Variants in UBR2 observed in about 807,000 individuals in gnomAD.
UBR2 encodes E3 ubiquitin-protein ligase UBR2.
A neutral mutation model predicts 247.9 loss-of-function variants in UBR2; 92 were observed. That is an observed-to-expected ratio of 0.37 (90% CI 0.31 to 0.44). The LOEUF is 0.44. Among genes scored for constraint, UBR2 ranks in the 20% least tolerant of loss-of-function variants. The pLI is 1.00. For synonymous variants in UBR2, 672 were observed against 693.5 expected (o/e 0.97, Z 0.49); for missense variants, 1,613 against 2,112.6 (o/e 0.76, Z 4.64).
chr6:42,583,833 A>C (rs1185258469), intron 2 of UBR2, among the ~76,000 whole-genome samples: 1 of 151,294 alleles, frequency 6.6e-6, no homozygotes, highest in Non-Finnish European at 1.5e-5. Context: ...CTCTCTCTCT[A>C]ATTTTTTCAT....
At chr6:42,610,663 G>A (rs149653336) in intron 7 of UBR2, among the ~76,000 whole-genome samples, 8 of 152,204 alleles carry the variant, frequency 5.3e-5, no homozygotes, top group South Asian at 2.1e-4. Flanking sequence ...AGAGACAGAT[G>A]GTGGTTGCTA....
In UBR2 at chr6:42,677,175, T is replaced by G. The variant is rs184725094; in HGVS notation, c.4478+302T>G. Among the ~76,000 whole-genome samples, 90 of 152,324 alleles carry G rather than the reference T, an allele frequency of 5.9e-4. 2 individuals carry two copies. In the East Asian group the frequency reaches 0.014, roughly 25 times the overall value. The stretch of plus-strand genomic sequence containing the variant: ...CAAATGTACTTTGGAAAGTTGATAC[T>G]CTAAAACTTATGTTGTCTCATTCAG... On this transcript the variant is annotated intron_variant, in intron 40 of 46. Coordinates refer to ENST00000372901, the MANE Select transcript of UBR2 (RefSeq NM_001363705.2).
intron 4 of UBR2, 84 bp downstream of exon 4, chr6:42,594,388 A>T: frequency 9.6e-7 from 1 of 1,043,626 alleles, no homozygotes; most frequent in Non-Finnish European, 1.4e-6. Flanking sequence ...AGAAATGGAT[A>T]AGCAAATAGT....
At position 42,670,689 on chromosome 6, in the gene UBR2, T is replaced by C. The variant is rs751025900; in HGVS notation, c.4060T>C (p.Leu1354=). 5 of 1,610,694 alleles carry C rather than the reference T, an allele frequency of 3.1e-6. No individual in the cohort carries two copies. The African/African-American group carries it at 4.0e-5, about 13-fold the overall frequency. ...AATTTTGAGTGATGAAGATAAACCATTGTTTGGTCCTTTACCTTGCAGACT... is the reference window on the plus strand; with the variant it reads ...AATTTTGAGTGATGAAGATAAACCACTGTTTGGTCCTTTACCTTGCAGACT... ...ERILSDEDKP[L]FGPLPCRLDD... Residue 1354 remains leucine, a synonymous_variant, in exon 36 of 47, where the codon TTG becomes CTG. Coordinates refer to ENST00000372901, the MANE Select transcript of UBR2 (RefSeq NM_001363705.2).
chr6:42,595,959 T>C (rs1427251370), intron 4 of UBR2, among the ~76,000 whole-genome samples: 1 of 151,720 alleles, frequency 6.6e-6, no homozygotes, highest in Non-Finnish European at 1.5e-5. Flanking sequence ...GCTCCATTTT[T>C]ATATAGTTGA....
At chr6:42,616,133 A>C in intron 10 of UBR2, 43 bp downstream of exon 10, 2 of 1,365,342 alleles carry the variant, frequency 1.5e-6, no homozygotes, top group Non-Finnish European at 2.0e-6. Flanking sequence ...TATATAGAGT[A>C]ACTATGCCCA....
rs1346784885 is a variant in UBR2, at chr6:42,659,880, TTCCCTTTTAATAACA to T, written c.3442+26_3442+40del. 6.2e-7 allele frequency: 1 copy of T among 1,605,980 alleles called. No individual in the cohort carries two copies. Among genetic ancestry groups the T allele is most frequent in the African/African-American group, 1.3e-5 (1 of 74,862 alleles). The stretch of plus-strand genomic sequence containing the variant: ...GGTAAGTCATAGCTAGATCCTCATC[TTCCCTTTTAATAACA>T]ACTGCCAGTTAATGTGGTTGGTGAT... On this transcript the variant is annotated intron_variant, in intron 30 of 46. Transcript: ENST00000372901. The surrounding 1 kb of genome is among the most constrained non-coding windows in gnomAD (Gnocchi z 4.3).
At chr6:42,625,671 A>G (rs1228986154) in intron 11 of UBR2, among the ~76,000 whole-genome samples, 1 of 152,150 alleles carries the variant, frequency 6.6e-6, no homozygotes, top group Non-Finnish European at 1.5e-5. Flanking sequence ...GCTGGTCTCA[A>G]GCTCCTGGCC....
At chr6:42,592,350 G>C (rs1485520258) in intron 3 of UBR2, 121 bp downstream of exon 3, 13 of 705,434 alleles carry the variant, frequency 1.8e-5, no homozygotes, top group Non-Finnish European at 2.5e-5. Context: ...TAAACAGTGT[G>C]TTTATTTAAA....
chr6:42,600,622 T>C (rs1016455713), intron 4 of UBR2, among the ~76,000 whole-genome samples: 1 of 52,510 alleles, frequency 1.9e-5, no homozygotes, highest in African/African-American at 1.4e-4. Flanking sequence ...TGGGTTACTG[T>C]AGCAAAAAAA....
chr6:42,683,850 T>C (rs1799196217), intron 43 of UBR2, among the ~76,000 whole-genome samples: 1 of 152,144 alleles, frequency 6.6e-6, no homozygotes, highest in African/African-American at 2.4e-5. Context: ...CATTCCAAAC[T>C]CTAAAAGAAT....
At position 42,616,118 on chromosome 6, in the gene UBR2, G is replaced by A. The variant is rs376455516; in HGVS notation, c.1182+28G>A. ...AAGTGGCTTTTCAATTTTGAAAATAGGTTATATATAGAGTAACTATGCCCA... is the reference window on the plus strand; with the variant it reads ...AAGTGGCTTTTCAATTTTGAAAATAAGTTATATATAGAGTAACTATGCCCA... On this transcript the variant is annotated intron_variant, in intron 10 of 46. Coordinates refer to ENST00000372901, the MANE Select transcript of UBR2 (RefSeq NM_001363705.2). The A allele has an allele frequency of 2.3e-5, 35 of 1,518,980 alleles. No homozygotes were observed. In the African/African-American group the frequency reaches 3.9e-4, roughly 17 times the overall value. The allele number at this position is 1,518,980 out of a possible 1,614,324, so 94.1% of individuals were successfully genotyped here.
At chr6:42,619,453 A>ATTT (rs1554251969) in intron 11 of UBR2, 490 of 23,680 alleles carry the variant, frequency 0.021, 33 homozygotes, top group Middle Eastern at 0.079. Context: ...ATATATATAT[A>ATTT]TTTTTTTTTT....
rs372065406 is a variant in UBR2, at chr6:42,570,181, C to G, written c.79-3553C>G. ...TGTATGTTTAATCAGCTTAAAGTGC[C>G]TGTAATAGAGCCCAAATCTTTTAGG... On this transcript the variant is annotated intron_variant, in intron 1 of 46. Transcript: ENST00000372901. Among the ~76,000 whole-genome samples, 49 of 152,272 alleles carry G rather than the reference C, an allele frequency of 3.2e-4. 3 individuals are homozygous for G. The East Asian group carries it at 6.0e-3, about 19-fold the overall frequency.
intron 31 of UBR2, 138 bp from the exon 32 acceptor site, chr6:42,663,120 C>A (rs1349774742): frequency 2.9e-6 from 2 of 692,238 alleles, no homozygotes; most frequent in Non-Finnish European, 4.2e-6. Flanking sequence ...ACTCAAAAAT[C>A]ATGTTAAAAA....
rs1315348226 is a variant in UBR2, at chr6:42,684,958, G to A, written c.4853+87G>A. 3 of 1,130,708 alleles carry A rather than the reference G, an allele frequency of 2.7e-6. No individual in the cohort carries two copies. In the African/African-American group the frequency reaches 4.7e-5, roughly 18 times the overall value. 70.0% of individuals were successfully genotyped at this position (1,130,708 alleles called of 1,614,324 possible). The stretch of plus-strand genomic sequence containing the variant: ...TTGAAGGATTTTGTTGTTGTTCTTT[G>A]TTTGGGTAGAGAAATCATATCTGTA... On this transcript the variant is annotated intron_variant, in intron 44 of 46. Transcript: ENST00000372901.
At chr6:42,579,981 T>C (rs1482701500) in intron 2 of UBR2, among the ~76,000 whole-genome samples, 2 of 152,186 alleles carry the variant, frequency 1.3e-5, no homozygotes, top group Non-Finnish European at 2.9e-5. Flanking sequence ...GTTTTCATAG[T>C]AAGGACAGGC....
At chr6:42,588,487 T>C (rs971609682) in intron 2 of UBR2, among the ~76,000 whole-genome samples, 2 of 152,108 alleles carry the variant, frequency 1.3e-5, no homozygotes, top group Admixed American at 1.3e-4. Context: ...CTGGACAACA[T>C]ACCAAGATGC....
At chr6:42,568,028 T>C (rs1432064449) in intron 1 of UBR2, among the ~76,000 whole-genome samples, 2 of 152,190 alleles carry the variant, frequency 1.3e-5, no homozygotes, top group African/African-American at 2.4e-5. Context: ...TCTTGGGTGA[T>C]ACAGTGAGAC....
Sources: gnomAD v4.1 joint callset for allele counts (sites outside exome capture counted in the v4.1 genomes callset) on GRCh38, gnomAD v4.1.1 for gene constraint, Gnocchi (gnomAD v3.1) non-coding constraint, MANE v1.5 for transcripts, NCBI Gene and HGNC (gene_info 2026-07-23, HGNC 2026-07-21) for gene names.